Variants in ZFYVE9 observed in about 807,000 individuals in gnomAD.
ZFYVE9 encodes zinc finger FYVE-type containing 9, also known as zinc finger FYVE domain-containing protein 9.
A neutral mutation model predicts 126.7 loss-of-function variants in ZFYVE9; 43 were observed. That is an observed-to-expected ratio of 0.34 (90% confidence interval 0.27 to 0.44). The LOEUF (loss-of-function observed/expected upper bound fraction) is 0.44. ZFYVE9 is among the 20% of genes least tolerant of loss of function. The pLI, the probability that ZFYVE9 is intolerant of heterozygous loss-of-function variation, is 1.00. For synonymous variants in ZFYVE9, 521 were observed against 597.4 expected, an observed-to-expected ratio of 0.87 and a Z score of 1.87; for missense variants, 1,476 against 1,697.0, an observed-to-expected ratio of 0.87 and a Z score of 2.29.
chr1:52,220,645 C>T (rs966695004), intron 2 of ZFYVE9, among the ~76,000 whole-genome samples: 2 of 152,144 alleles, frequency 1.3e-5, no homozygotes, highest in Non-Finnish European at 2.9e-5. Flanking sequence ...TTGCACATAG[C>T]TTGAGGACCC....
chr1:52,234,234 G>A (rs1645251946), intron 3 of ZFYVE9, among the ~76,000 whole-genome samples: 1 of 152,110 alleles, frequency 6.6e-6, no homozygotes, highest in Admixed American at 6.6e-5. Flanking sequence ...TTTACAAAGT[G>A]GTATATTTCC....
At chr1:52,210,658 T>C (rs1398642603) in intron 1 of ZFYVE9, among the ~76,000 whole-genome samples, 1 of 152,132 alleles carries the variant, frequency 6.6e-6, no homozygotes, top group Non-Finnish European at 1.5e-5. Flanking sequence ...TGGTTCTCTC[T>C]CTCTCTATTT....
chr1:52,182,452 C>T (rs903368844), intron 1 of ZFYVE9, among the ~76,000 whole-genome samples: 4 of 152,212 alleles, frequency 2.6e-5, no homozygotes, highest in South Asian at 2.1e-4. Flanking sequence ...GACCTTACCC[C>T]GAACCCTGTG....
chr1:52,295,769 C>A, intron 11 of ZFYVE9, 126 bp from the exon 12 acceptor site: 4 of 722,208 alleles, frequency 5.5e-6, no homozygotes, highest in South Asian at 1.9e-5. Flanking sequence ...ACTTTTTGAG[C>A]CCAAAATTTG....
chr1:52,253,744 G>A (rs1202958183), intron 4 of ZFYVE9: 6 of 1,608,022 alleles, frequency 3.7e-6, no homozygotes, highest in Non-Finnish European at 5.1e-6. Context: ...AGGATTTGGA[G>A]TGGATCAGTT....
At position 52,171,107 on chromosome 1, in the gene ZFYVE9, C is replaced by T. The variant is rs139375018; in HGVS notation, c.-143+28704C>T. Reference sequence around the variant, plus strand: ...TGCTGGTGTGCTGCACCCATTAACTCGTCATTTAGCATTAGGTATATCTCC... The same window carrying T: ...TGCTGGTGTGCTGCACCCATTAACTTGTCATTTAGCATTAGGTATATCTCC... On this transcript the variant is annotated intron_variant, in intron 1 of 18. Coordinates refer to ENST00000287727, the MANE Select transcript of ZFYVE9 (RefSeq NM_004799.4). 9.9e-3 allele frequency among the ~76,000 whole-genome samples: 1,509 copies of T among 151,846 alleles called. 71 individuals carry two copies. In the East Asian group the frequency reaches 0.12, roughly 13 times the overall value.
At chr1:52,237,377 A>T (rs1310512779) in intron 3 of ZFYVE9, 111 bp from the exon 4 acceptor site, 3 of 1,003,374 alleles carry the variant, frequency 3.0e-6, no homozygotes, top group Non-Finnish European at 4.2e-6. Flanking sequence ...TAGAAATCTA[A>T]TATCCTTGGA....
rs1168146879 is a variant in ZFYVE9, at chr1:52,271,188, G to A, written c.2625+2556G>A. Reference sequence around the variant, plus strand: ...AAACTATAAATATTTTTGAAAGAATGAGGAAAGTCTAGTGAGTGAATGTTA... The same window carrying A: ...AAACTATAAATATTTTTGAAAGAATAAGGAAAGTCTAGTGAGTGAATGTTA... On this transcript the variant is annotated intron_variant, in intron 7 of 18. Transcript: ENST00000287727. Among the ~76,000 whole-genome samples the A allele has an allele frequency of 2.6e-5, 4 of 152,290 alleles. No individual in the cohort carries two copies. In the South Asian group the frequency reaches 6.2e-4, roughly 24 times the overall value.
At chr1:52,229,927 G>T (rs1645202232) in intron 2 of ZFYVE9, among the ~76,000 whole-genome samples, 1 of 151,728 alleles carries the variant, frequency 6.6e-6, no homozygotes, top group Non-Finnish European at 1.5e-5. Context: ...GAGTGCAGTG[G>T]TGTGATCTCG....
At chr1:52,281,167 C>G (rs2147816435) in intron 9 of ZFYVE9, among the ~76,000 whole-genome samples, 1 of 144,678 alleles carries the variant, frequency 6.9e-6, no homozygotes, top group South Asian at 2.2e-4. Flanking sequence ...GAGTCTCACT[C>G]TTTCGCCTAG....
At chr1:52,180,028 A>C (rs1644682882) in intron 1 of ZFYVE9, 2 of 845,630 alleles carry the variant, frequency 2.4e-6, no homozygotes, top group Admixed American at 1.7e-5. Flanking sequence ...AAGTTTAATG[A>C]GGAGGATGAA....
rs1186566094 is a variant in ZFYVE9 at position 52,238,734 on chromosome 1, T to C, written c.1317T>C (p.Cys439=). 6.2e-7 allele frequency: 1 copy of C among 1,614,064 alleles called. No individual in the cohort carries two copies. Among genetic ancestry groups the C allele is most frequent in the Non-Finnish European group, 8.5e-7 (1 of 1,179,972 alleles). ...CTAATGGTGATAGTGGAGGACAGTG[T>C]GTTGGATTGGCAGATGCAGGTCTAG... ...EDTNGDSGGQ[C]VGLADAGLDL... Residue 439 remains cysteine (C), a synonymous_variant, in exon 4 of 19, where the codon TGT becomes TGC. Coordinates refer to ENST00000287727, the MANE Select transcript of ZFYVE9 (RefSeq NM_004799.4).
rs530209035 is a variant in ZFYVE9, at chr1:52,284,911, T to A, written c.3025+3095T>A. Among the ~76,000 whole-genome samples the A allele has an allele frequency of 6.6e-5, 10 of 152,330 alleles. No homozygotes were observed. In the South Asian group the frequency reaches 2.1e-3, roughly 32 times the overall value. On this transcript the variant is annotated intron_variant, in intron 10 of 18. Coordinates refer to ENST00000287727, the MANE Select transcript of ZFYVE9 (RefSeq NM_004799.4). ...TAGGATAGGGACACGAACATATATA[T>A]GTATATCTAAGGAAATAACATTTCA...
At chr1:52,300,890 C>G (rs1305453622) in intron 12 of ZFYVE9, among the ~76,000 whole-genome samples, 1 of 149,086 alleles carries the variant, frequency 6.7e-6, no homozygotes, top group Non-Finnish European at 1.5e-5. Context: ...GACAGAGTCT[C>G]ACTCTTTCAC....
chr1:52,206,590 G>A (rs1184435375), intron 1 of ZFYVE9, among the ~76,000 whole-genome samples: 1 of 152,098 alleles, frequency 6.6e-6, no homozygotes, highest in African/African-American at 2.4e-5. Flanking sequence ...GTGTCACCCA[G>A]GCTGGAGTGC....
chr1:52,283,091 G>T (rs143055960), intron 10 of ZFYVE9, among the ~76,000 whole-genome samples: 3 of 152,126 alleles, frequency 2.0e-5, no homozygotes, highest in African/African-American at 7.2e-5. Flanking sequence ...GTTCCAAAAT[G>T]TATAGGGTTA....
At chr1:52,172,668 T>G (rs1182541309) in intron 1 of ZFYVE9, among the ~76,000 whole-genome samples, 2 of 152,156 alleles carry the variant, frequency 1.3e-5, no homozygotes, top group Admixed American at 6.5e-5. Context: ...GTATCCTCTT[T>G]TATTTCATTG....
chr1:52,222,258 T>C (rs1039615285), intron 2 of ZFYVE9, among the ~76,000 whole-genome samples: 1 of 152,192 alleles, frequency 6.6e-6, no homozygotes, highest in Non-Finnish European at 1.5e-5. Flanking sequence ...TGTTCTAATA[T>C]TTGACCAAAT....
At chr1:52,336,359 GTTTTTTTTGTTTT>G (rs1341707790) in intron 15 of ZFYVE9, among the ~76,000 whole-genome samples, 10 of 94,950 alleles carry the variant, frequency 1.1e-4, no homozygotes, top group South Asian at 3.5e-4. Flanking sequence ...AATCTAAGAG[GTTTTTTTTGTTTT>G]TTTTTTTTTT....
Sources: gnomAD v4.1 joint callset for allele counts (sites outside exome capture counted in the v4.1 genomes callset) on GRCh38, gnomAD v4.1.1 for gene constraint, MANE v1.5 for transcripts, NCBI Gene and HGNC (gene_info 2026-07-23, HGNC 2026-07-21) for gene names.